The following NXPH1 variants were observed in gnomAD, a reference collection of about 807,000 sequenced individuals.
NXPH1 encodes the protein neurexophilin-1.
A neutral mutation model predicts 23.7 loss-of-function variants in NXPH1; 5 were observed. The ratio of observed to expected loss-of-function variants is 0.21; its 90% CI spans 0.11 to 0.44. The LOEUF (loss-of-function observed/expected upper bound fraction) is 0.44. NXPH1 is among the 20% of genes least tolerant of loss of function. NXPH1 has a pLI of 0.99. For missense variants in NXPH1, 324 were observed against 321.6 expected, an observed-to-expected ratio of 1.01 and a Z score of -0.06; for synonymous variants, 144 against 122.2, an observed-to-expected ratio of 1.18 and a Z score of -1.18.
intron 2 of NXPH1, among the ~76,000 whole-genome samples, chr7:8,554,179 A>G (rs576152231): frequency 8.2e-4 from 125 of 151,762 alleles, no homozygotes; most frequent in African/African-American, 2.8e-3. Flanking sequence ...AAGCAAAAAA[A>G]ATAAGACTAT....
At chr7:8,586,458 G>C (rs1418611065) in intron 2 of NXPH1, among the ~76,000 whole-genome samples, 2 of 152,030 alleles carry the variant, frequency 1.3e-5, no homozygotes, top group Non-Finnish European at 2.9e-5. Flanking sequence ...CAGGATCTAA[G>C]AGGAAATGAG....
chr7:8,692,618 C>T (rs1583232908), intron 2 of NXPH1, among the ~76,000 whole-genome samples: 2 of 152,142 alleles, frequency 1.3e-5, no homozygotes, highest in East Asian at 3.8e-4. Context: ...AAAAGTGCTA[C>T]TCAACCTTTC....
At chr7:8,638,422 T>C (rs1820253372) in intron 2 of NXPH1, among the ~76,000 whole-genome samples, 1 of 152,162 alleles carries the variant, frequency 6.6e-6, no homozygotes, top group Non-Finnish European at 1.5e-5. Context: ...AGTTTGCATA[T>C]TACCACAGCT....
intron 2 of NXPH1, among the ~76,000 whole-genome samples, chr7:8,450,221 C>G (rs992237735): frequency 1.3e-5 from 2 of 152,116 alleles, no homozygotes; most frequent in African/African-American, 4.8e-5. Flanking sequence ...AAGGGGGAAA[C>G]CATATATACA....
chr7:8,740,349 A>C (rs1340256635), intron 2 of NXPH1, among the ~76,000 whole-genome samples: 5 of 152,246 alleles, frequency 3.3e-5, no homozygotes, highest in African/African-American at 4.8e-5. Flanking sequence ...TTGGATGGCA[A>C]GAAGAATAAA....
Position 8,732,371 on chromosome 7 carries a change from C to T in NXPH1, c.55-18637C>T, listed in dbSNP as rs28420444. On this transcript the variant is annotated intron_variant, in intron 2 of 2. Transcript: ENST00000405863. Reference sequence around the variant, plus strand: ...TCGGCCATCTTGGCTCCTTCGCCTTCGTTTGTTTCATTCTAGACAGAGTTG... The same window carrying T: ...TCGGCCATCTTGGCTCCTTCGCCTTTGTTTGTTTCATTCTAGACAGAGTTG... Among the ~76,000 whole-genome samples the T allele has an allele frequency of 6.7e-3, 1,013 of 152,278 alleles. 13 individuals are homozygous for T. The highest frequency in any genetic ancestry group is 0.023 in the African/African-American group (966 of 41,562).
At chr7:8,573,721 G>T (rs934518715) in intron 2 of NXPH1, among the ~76,000 whole-genome samples, 17 of 152,118 alleles carry the variant, frequency 1.1e-4, no homozygotes, top group South Asian at 4.1e-4. Context: ...CTTTCTTCCA[G>T]TTAATTATAG....
intron 2 of NXPH1, among the ~76,000 whole-genome samples, chr7:8,508,993 A>G (rs1041445267): frequency 6.6e-6 from 1 of 152,132 alleles, no homozygotes. Context: ...CGATATTCGT[A>G]AAAACAACTC....
At chr7:8,712,356 C>G (rs1163407864) in intron 2 of NXPH1, among the ~76,000 whole-genome samples, 1 of 152,160 alleles carries the variant, frequency 6.6e-6, no homozygotes, top group Non-Finnish European at 1.5e-5. Context: ...AGCACCTATC[C>G]TGATCTCACC....
intron 2 of NXPH1, among the ~76,000 whole-genome samples, chr7:8,481,148 A>G (rs936945058): frequency 1.3e-5 from 2 of 152,186 alleles, no homozygotes; most frequent in Non-Finnish European, 2.9e-5. Flanking sequence ...TTCAGTCAAT[A>G]TCTTAAAATA....
At chr7:8,489,270 A>G (rs1817210016) in intron 2 of NXPH1, among the ~76,000 whole-genome samples, 1 of 152,102 alleles carries the variant, frequency 6.6e-6, no homozygotes, top group South Asian at 2.1e-4. Flanking sequence ...TGGCCTTCTC[A>G]TATCGAAAAG....
chr7:8,491,408 G>T (rs1168431341), intron 2 of NXPH1, among the ~76,000 whole-genome samples: 2 of 152,024 alleles, frequency 1.3e-5, no homozygotes, highest in African/African-American at 4.8e-5. Context: ...TGCTTGCTGT[G>T]AAGGGCATGA....
chr7:8,618,330 C>T (rs1306825178), intron 2 of NXPH1, among the ~76,000 whole-genome samples: 2 of 152,088 alleles, frequency 1.3e-5, no homozygotes, highest in Non-Finnish European at 2.9e-5. Flanking sequence ...ATTCATACAG[C>T]TGACATCTGT....
At chr7:8,540,362 T>C (rs1027938961) in intron 2 of NXPH1, among the ~76,000 whole-genome samples, 5 of 151,812 alleles carry the variant, frequency 3.3e-5, no homozygotes, top group Admixed American at 2.6e-4. Flanking sequence ...ATTAATAAAA[T>C]GTGTGAAACG....
chr7:8,436,640 A>G (rs1226280446), intron 2 of NXPH1, among the ~76,000 whole-genome samples: 1 of 151,874 alleles, frequency 6.6e-6, no homozygotes, highest in Non-Finnish European at 1.5e-5. Flanking sequence ...GAATGGGGGA[A>G]TGGGGGTAAG....
chr7:8,658,887 A>G (rs1262387634), intron 2 of NXPH1, among the ~76,000 whole-genome samples: 2 of 152,188 alleles, frequency 1.3e-5, no homozygotes, highest in Non-Finnish European at 1.5e-5. Context: ...ATGGTCTAAA[A>G]GAAATAATGA....
At position 8,721,112 on chromosome 7, in the gene NXPH1, T is replaced by G. The variant is rs549205512; in HGVS notation, c.55-29896T>G. Among the ~76,000 whole-genome samples the G allele has an allele frequency of 3.9e-5, 6 of 152,352 alleles. No individual in the cohort carries two copies. The East Asian group carries it at 1.2e-3, about 29-fold the overall frequency. On this transcript the variant is annotated intron_variant, in intron 2 of 2. Transcript: ENST00000405863. ...ATATCAAGGTTAAATTTCCTGATTT[T>G]GATAGTTCTACTGTGGTTACATAAG...
At chr7:8,734,436 T>C (rs1280961923) in intron 2 of NXPH1, among the ~76,000 whole-genome samples, 1 of 152,228 alleles carries the variant, frequency 6.6e-6, no homozygotes, top group Non-Finnish European at 1.5e-5. Context: ...TTGATGGGGA[T>C]AGCATTGAAT....
At chr7:8,495,353 T>A (rs1817317329) in intron 2 of NXPH1, among the ~76,000 whole-genome samples, 1 of 133,990 alleles carries the variant, frequency 7.5e-6, no homozygotes, top group Non-Finnish European at 1.8e-5. Flanking sequence ...AGTCTACTGA[T>A]TTAAAGATTA....
Sources: allele counts gnomAD v4.1 joint callset (sites outside exome capture counted in the v4.1 genomes callset), GRCh38; gene constraint gnomAD v4.1.1; transcripts MANE v1.5; gene names NCBI Gene and HGNC (gene_info 2026-07-23, HGNC 2026-07-21).